Variants in TBC1D30 observed in about 807,000 individuals in gnomAD.
TBC1D30 encodes TBC1 domain family member 30.
A neutral mutation model predicts 63.2 loss-of-function variants in TBC1D30; 31 were observed. The ratio of observed to expected loss-of-function variants is 0.49; its 90% CI spans 0.37 to 0.66. The LOEUF is 0.66. TBC1D30 is among the 30% of genes least tolerant of loss of function. The pLI is 0.00. For synonymous variants in TBC1D30, 307 were observed against 361.5 expected (o/e 0.85, Z 1.71); for missense variants, 810 against 953.6 (o/e 0.85, Z 1.98).
chr12:64,781,702 T>TG (rs1291123006), intron 1 of TBC1D30, among the ~76,000 whole-genome samples: 1 of 151,192 alleles, frequency 6.6e-6, no homozygotes, highest in Non-Finnish European at 1.5e-5. Flanking sequence ...TTTTTTTTTT[T>TG]TTGTTTTTTT....
At chr12:64,860,848 C>T (rs1262755374) in intron 8 of TBC1D30, among the ~76,000 whole-genome samples, 1 of 152,178 alleles carries the variant, frequency 6.6e-6, no homozygotes, top group Non-Finnish European at 1.5e-5. Context: ...GTCCCTGACT[C>T]CTAGCTGAAT....
chr12:64,788,674 T>A (rs1286155747), intron 2 of TBC1D30, among the ~76,000 whole-genome samples: 2 of 152,204 alleles, frequency 1.3e-5, no homozygotes. Context: ...AATGCATCCT[T>A]CCTATGTATT....
At chr12:64,807,700 A>G (rs1872950408) in intron 2 of TBC1D30, among the ~76,000 whole-genome samples, 1 of 152,024 alleles carries the variant, frequency 6.6e-6, no homozygotes, top group Non-Finnish European at 1.5e-5. Context: ...CCTTTCCCAA[A>G]CTGGTTTTTT....
Position 64,878,732 on chromosome 12 carries a change from G to A in TBC1D30, c.*2944G>A, listed in dbSNP as rs1217053493. The stretch of plus-strand genomic sequence containing the variant: ...TCACCCCCAACCCCAGACCCCCCTT[G>A]GTCACATGAACCAGGGAAACAGCCC... On this transcript the variant is annotated 3_prime_UTR_variant, in exon 12 of 12. Transcript: ENST00000539867. The A allele has an allele frequency of 1.1e-5, 4 of 350,592 alleles. No individual in the cohort carries two copies. The Admixed American group carries it at 1.5e-4, about 13-fold the overall frequency. The allele number at this position is 350,592 out of a possible 1,614,324, so 21.7% of individuals were successfully genotyped here. A position where few individuals can be genotyped will look rare whatever the true frequency, so the allele number is the denominator to read the frequency against.
At chr12:64,863,543 G>C (rs1441719305) in intron 8 of TBC1D30, among the ~76,000 whole-genome samples, 1 of 152,216 alleles carries the variant, frequency 6.6e-6, no homozygotes, top group Non-Finnish European at 1.5e-5. Context: ...AGTAAGCGTG[G>C]AGAATTGAAG....
intron 1 of TBC1D30, among the ~76,000 whole-genome samples, chr12:64,769,801 T>C (rs1341571928): frequency 1.3e-5 from 2 of 152,206 alleles, no homozygotes; most frequent in African/African-American, 4.8e-5. Flanking sequence ...ATTACAGGTG[T>C]GAGCCACTGG....
intron 8 of TBC1D30, among the ~76,000 whole-genome samples, chr12:64,860,924 T>C (rs1877735056): frequency 6.6e-6 from 1 of 152,200 alleles, no homozygotes; most frequent in Admixed American, 6.5e-5. Context: ...AAAGCTGAAA[T>C]CATCTTTAGA....
chr12:64,771,764 A>G (rs1870914347), intron 1 of TBC1D30, among the ~76,000 whole-genome samples: 1 of 152,238 alleles, frequency 6.6e-6, no homozygotes, highest in South Asian at 2.1e-4. Context: ...CAACATAGTA[A>G]CAGGAAGAGC....
intron 8 of TBC1D30, among the ~76,000 whole-genome samples, chr12:64,844,024 ACTCAAGTGATC>A (rs1425955509): frequency 2.0e-5 from 3 of 151,970 alleles, no homozygotes; most frequent in Non-Finnish European, 4.4e-5. Flanking sequence ...GAACTCCTAG[ACTCAAGTGATC>A]CTCCCACTGC....
chr12:64,775,154 T>C (rs1871037468), intron 1 of TBC1D30, among the ~76,000 whole-genome samples: 1 of 151,494 alleles, frequency 6.6e-6, no homozygotes, highest in Admixed American at 6.6e-5. Context: ...GAAAAGACTG[T>C]TACTAGCCAC....
At position 64,824,753 on chromosome 12, in the gene TBC1D30, G is replaced by C; in HGVS notation, c.-127G>C. 1 of 1,307,128 alleles carries C rather than the reference G, an allele frequency of 7.7e-7. No individual in the cohort carries two copies. The highest frequency in any genetic ancestry group is 2.6e-5 in the East Asian group (1 of 38,450). The allele number at this position is 1,307,128 out of a possible 1,614,324, so 81.0% of individuals were successfully genotyped here. A position where few individuals can be genotyped will look rare whatever the true frequency, so the allele number is the denominator to read the frequency against. ...ACCCTCCAGCACCAGCCGGCTGTGC[G>C]CTCCCTGCTCCCACGGGCCGGTCAG... On this transcript the variant is annotated 5_prime_UTR_variant, in exon 1 of 12. Coordinates refer to ENST00000539867, the MANE Select transcript of TBC1D30 (RefSeq NM_015279.2).
chr12:64,839,846 A>C (rs1013984936), intron 7 of TBC1D30, among the ~76,000 whole-genome samples: 2 of 151,954 alleles, frequency 1.3e-5, no homozygotes, highest in Non-Finnish European at 2.9e-5. Context: ...TCTACTAAAT[A>C]TACAAAAAAT....
At chr12:64,864,538 C>A in intron 8 of TBC1D30, 130 bp from the exon 9 acceptor site, 1 of 586,572 alleles carries the variant, frequency 1.7e-6, no homozygotes, top group Non-Finnish European at 3.0e-6. Flanking sequence ...GGAATCTCTC[C>A]ACCTGCTGTG....
rs771516486 is a variant in TBC1D30 at position 64,824,660 on chromosome 12, C to G, written c.-220C>G. The stretch of plus-strand genomic sequence containing the variant: ...ATCTCCTGCCTCAGCCTTGCAGGCT[C>G]CGCACTGCAGATGCCTGCTGGCTTC... On this transcript the variant is annotated 5_prime_UTR_variant, in exon 1 of 12. Coordinates refer to ENST00000539867, the MANE Select transcript of TBC1D30 (RefSeq NM_015279.2). 1.5e-4 allele frequency: 82 copies of G among 533,916 alleles called. 1 individual carries two copies. The highest frequency in any genetic ancestry group is 9.9e-4 in the Middle Eastern group (2 of 2,020). 33.1% of individuals were successfully genotyped at this position (533,916 alleles called of 1,614,324 possible).
At position 64,857,671 on chromosome 12, in the gene TBC1D30, A is replaced by G. The variant is rs532228225; in HGVS notation, c.1039-6997A>G. Among the ~76,000 whole-genome samples the G allele has an allele frequency of 2.6e-5, 4 of 152,266 alleles. No individual in the cohort carries two copies. The South Asian group carries it at 6.2e-4, about 24-fold the overall frequency. On this transcript the variant is annotated intron_variant, in intron 8 of 11. Transcript: ENST00000539867. ...GCCTAGCACTAGGAGTTGCCTAGGA[A>G]TTGCAGTCCTTGTGTCCTAGTCTGC...
chr12:64,866,540 C>T (rs1410454503), intron 9 of TBC1D30, among the ~76,000 whole-genome samples: 7 of 151,914 alleles, frequency 4.6e-5, no homozygotes, highest in Non-Finnish European at 5.9e-5. Flanking sequence ...CGGGTTCAAG[C>T]GATTCTCTAG....
chr12:64,788,706 C>T (rs144345298), intron 2 of TBC1D30, among the ~76,000 whole-genome samples: 124 of 152,274 alleles, frequency 8.1e-4, no homozygotes, highest in African/African-American at 2.7e-3. Flanking sequence ...CTCTTTAATT[C>T]CAGCCAGGGT....
rs1555171793 is a variant in TBC1D30, at chr12:64,840,027, A to AAAAAAAAAAAAAAAAAAAAAC, written c.932+1177_932+1178insAAAAAAAAAAAAAAAAAAACA. ...CTCAAAAAAAAAAAAAAAAAAAAAAAATCCACCAACTATCAATTCAGGGAC... is the reference window on the plus strand; with the variant it reads ...CTCAAAAAAAAAAAAAAAAAAAAAAAAAAAAAAAAAAAAAAAAAAACATCCACCAACTATCAATTCAGGGAC... On this transcript the variant is annotated intron_variant, in intron 7 of 11. Coordinates refer to ENST00000539867, the MANE Select transcript of TBC1D30 (RefSeq NM_015279.2). Among the ~76,000 whole-genome samples the AAAAAAAAAAAAAAAAAAAAAC allele has an allele frequency of 2.1e-5, 3 of 145,812 alleles. 1 individual carries two copies. The highest frequency in any genetic ancestry group is 6.8e-5 in the Admixed American group (1 of 14,712).
chr12:64,840,635 A>G (rs994825823), intron 7 of TBC1D30, among the ~76,000 whole-genome samples: 4 of 152,194 alleles, frequency 2.6e-5, no homozygotes, highest in Admixed American at 6.5e-5. Context: ...CATTTTATAG[A>G]TGTGAGAATT....
Sources: gnomAD v4.1 joint callset for allele counts (sites outside exome capture counted in the v4.1 genomes callset) on GRCh38, gnomAD v4.1.1 for gene constraint, MANE v1.5 for transcripts, NCBI Gene and HGNC (gene_info 2026-07-23, HGNC 2026-07-21) for gene names.